The following EPHA3 variants were observed in gnomAD, a reference collection of about 807,000 sequenced individuals.
The protein encoded by EPHA3 is ephrin type-A receptor 3.
In EPHA3, 42 loss-of-function variants were observed where a neutral mutation model predicts 107.1. The observed-to-expected ratio is 0.39, with a 90% CI of 0.31 to 0.51. EPHA3 has a LOEUF of 0.51. Ranked by LOEUF, EPHA3 falls within the 20% of genes least tolerant of loss-of-function variation. The pLI, the probability that EPHA3 is intolerant of heterozygous loss-of-function variation, is 0.78. For synonymous variants in EPHA3, 461 were observed against 424.8 expected, an observed-to-expected ratio of 1.09 and a Z score of -1.05; for missense variants, 1,183 against 1,211.2, an observed-to-expected ratio of 0.98 and a Z score of 0.35.
intron 7 of EPHA3, 139 bp downstream of exon 7, chr3:89,399,619 A>G: frequency 7.1e-7 from 1 of 1,399,994 alleles, no homozygotes; most frequent in Non-Finnish European, 9.3e-7. Flanking sequence ...TGCAATTTGC[A>G]GAGCCCTGTG....
chr3:89,235,034 C>CCTCCCTCCCTCT (rs1704724918), intron 3 of EPHA3, among the ~76,000 whole-genome samples: 1 of 138,252 alleles, frequency 7.2e-6, no homozygotes, highest in Non-Finnish European at 1.6e-5. Flanking sequence ...TCCCTCCCTC[C>CCTCCCTCCCTCT]CTCCCTCCCT....
rs144141449 is a variant in EPHA3 at position 89,394,469 on chromosome 3, A to G, written c.1307-1368A>G. On this transcript the variant is annotated intron_variant, in intron 5 of 16. Transcript: ENST00000336596. ...CATGCTTCAATTAGAAGGTGTTCCT[A>G]TGAGATCTCACAAATAATAAAACCC... Among the ~76,000 whole-genome samples the G allele has an allele frequency of 9.8e-5, 15 of 152,356 alleles. No homozygotes were observed. The East Asian group carries it at 2.9e-3, about 29-fold the overall frequency.
At chr3:89,120,027 G>A (rs1320203735) in intron 1 of EPHA3, among the ~76,000 whole-genome samples, 5 of 152,070 alleles carry the variant, frequency 3.3e-5, no homozygotes, top group African/African-American at 1.2e-4. Flanking sequence ...TCTGGATGTC[G>A]ATATTCTACA....
chr3:89,270,175 A>G (rs1297691235), intron 3 of EPHA3, among the ~76,000 whole-genome samples: 2 of 152,122 alleles, frequency 1.3e-5, no homozygotes, highest in Non-Finnish European at 2.9e-5. Context: ...AATTTAATGT[A>G]TTAAGGCATT....
chr3:89,211,091 A>G (rs1396287616), intron 3 of EPHA3, among the ~76,000 whole-genome samples: 1 of 152,118 alleles, frequency 6.6e-6, no homozygotes, highest in Non-Finnish European at 1.5e-5. Context: ...TTTAATGTAT[A>G]CAGGCATGAT....
rs552267258 is a variant in EPHA3 at position 89,290,189 on chromosome 3, G to C, written c.815-50727G>C. ...ATTCTAACTACACACTTCTCTCTGAGGTTTTATATAAGTGCAGATAAGCAA... is the reference window on the plus strand; with the variant it reads ...ATTCTAACTACACACTTCTCTCTGACGTTTTATATAAGTGCAGATAAGCAA... On this transcript the variant is annotated intron_variant, in intron 3 of 16. Transcript: ENST00000336596. Among the ~76,000 whole-genome samples, 91 of 151,920 alleles carry C rather than the reference G, an allele frequency of 6.0e-4. 1 individual carries two copies. Among genetic ancestry groups the C allele is most frequent in the Non-Finnish European group, 1.1e-3 (75 of 67,994 alleles).
At chr3:89,161,293 T>G (rs1704935904) in intron 2 of EPHA3, among the ~76,000 whole-genome samples, 1 of 152,146 alleles carries the variant, frequency 6.6e-6, no homozygotes, top group Admixed American at 6.6e-5. Flanking sequence ...TATAGTGAAG[T>G]CTCTCTCCAC....
chr3:89,206,691 G>T (rs59668913), intron 2 of EPHA3, among the ~76,000 whole-genome samples: 1 of 151,888 alleles, frequency 6.6e-6, no homozygotes, highest in Non-Finnish European at 1.5e-5. Flanking sequence ...ATTTTGCTTT[G>T]AATGTGACTG....
In EPHA3 at chr3:89,472,348, T is replaced by A; in HGVS notation, c.2691-116T>A. On this transcript the variant is annotated intron_variant, in intron 15 of 16. Coordinates refer to ENST00000336596, the MANE Select transcript of EPHA3 (RefSeq NM_005233.6). Reference sequence around the variant, plus strand: ...TTTCATGGCAGATAAATTCCACAAATGAAAGGAACACCATATGAAGTCTGG... The same window carrying A: ...TTTCATGGCAGATAAATTCCACAAAAGAAAGGAACACCATATGAAGTCTGG... 7 of 1,116,632 alleles carry A rather than the reference T, an allele frequency of 6.3e-6. No individual in the cohort carries two copies. The South Asian group carries it at 1.2e-4, about 19-fold the overall frequency. The allele number at this position is 1,116,632 out of a possible 1,614,324, so 69.2% of individuals were successfully genotyped here. A position where few individuals can be genotyped will look rare whatever the true frequency, so the allele number is the denominator to read the frequency against.
intron 16 of EPHA3, 84 bp downstream of exon 16, chr3:89,472,703 C>T (rs1710432648): frequency 1.4e-6 from 2 of 1,431,618 alleles, no homozygotes; most frequent in African/African-American, 1.4e-5. Context: ...AACATCTTGG[C>T]TTGACATGTT....
chr3:89,440,422 T>C (rs564521854), intron 13 of EPHA3, among the ~76,000 whole-genome samples: 1 of 152,294 alleles, frequency 6.6e-6, no homozygotes, highest in South Asian at 2.1e-4. Context: ...CAGAGATTTG[T>C]ACATATAATT....
chr3:89,477,775 T>C (rs1354703871), intron 16 of EPHA3, among the ~76,000 whole-genome samples: 2 of 152,016 alleles, frequency 1.3e-5, no homozygotes, highest in Non-Finnish European at 2.9e-5. Flanking sequence ...AAATTTGTAT[T>C]GAGCCCACTA....
At chr3:89,253,782 A>G (rs1316432938) in intron 3 of EPHA3, among the ~76,000 whole-genome samples, 2 of 151,524 alleles carry the variant, frequency 1.3e-5, no homozygotes, top group Non-Finnish European at 2.9e-5. Context: ...TTGAAATTAT[A>G]GTTTGTGGTT....
At chr3:89,160,124 A>C (rs1372780978) in intron 2 of EPHA3, among the ~76,000 whole-genome samples, 2 of 152,252 alleles carry the variant, frequency 1.3e-5, no homozygotes, top group South Asian at 2.1e-4. Flanking sequence ...ATTTCCTTAC[A>C]TTCCGTTAGG....
At chr3:89,219,705 TTTTTG>T (rs1559606383) in intron 3 of EPHA3, among the ~76,000 whole-genome samples, 1,940 of 23,186 alleles carry the variant, frequency 0.084, 622 homozygotes, top group African/African-American at 0.15. Context: ...TTTTTTTTGT[TTTTTG>T]TTTTTTTTTT....
At chr3:89,333,528 G>T (rs1243168065) in intron 3 of EPHA3, among the ~76,000 whole-genome samples, 1 of 152,122 alleles carries the variant, frequency 6.6e-6, no homozygotes, top group East Asian at 1.9e-4. Context: ...CACTAACTCG[G>T]CACTTAAACT....
chr3:89,367,706 A>G (rs1378330882), intron 5 of EPHA3, among the ~76,000 whole-genome samples: 2 of 150,752 alleles, frequency 1.3e-5, no homozygotes, highest in African/African-American at 4.8e-5. Context: ...CCTATTCTCC[A>G]GGATATTTTG....
chr3:89,166,363 C>A (rs1259963939), intron 2 of EPHA3, among the ~76,000 whole-genome samples: 1 of 152,124 alleles, frequency 6.6e-6, no homozygotes, highest in Non-Finnish European at 1.5e-5. Context: ...TGAACAGAAG[C>A]ACTCACTCTA....
rs1021580829 is a variant in EPHA3 at position 89,481,321 on chromosome 3, G to C, written c.*1819G>C. On this transcript the variant is annotated 3_prime_UTR_variant, in exon 17 of 17. Coordinates refer to ENST00000336596, the MANE Select transcript of EPHA3 (RefSeq NM_005233.6). ...ATTCCTTAGTCAAATCAGGCTACTA[G>C]AATTCTGTATTGGATATATAAGAGC... The C allele has an allele frequency of 3.4e-5, 8 of 231,966 alleles. No individual in the cohort carries two copies. The highest frequency in any genetic ancestry group is 1.8e-4 in the African/African-American group (8 of 45,254). 14.4% of individuals were successfully genotyped at this position (231,966 alleles called of 1,614,324 possible).
Sources: allele counts gnomAD v4.1 joint callset (sites outside exome capture counted in the v4.1 genomes callset), GRCh38; gene constraint gnomAD v4.1.1; transcripts MANE v1.5; gene names NCBI Gene and HGNC (gene_info 2026-07-23, HGNC 2026-07-21).